Variants in PLEKHA8 observed in about 807,000 individuals in gnomAD.
PLEKHA8 encodes pleckstrin homology domain containing A8, also known as pleckstrin homology domain-containing family A member 8.
A neutral mutation model predicts 68.2 loss-of-function variants in PLEKHA8; 36 were observed. The observed-to-expected ratio is 0.53, with a 90% CI of 0.40 to 0.70. PLEKHA8 has a LOEUF of 0.70. PLEKHA8 is among the 30% of genes least tolerant of loss of function. The pLI, the probability that PLEKHA8 is intolerant of heterozygous loss-of-function variation, is 0.00. For missense variants in PLEKHA8, 505 were observed against 615.4 expected (o/e 0.82, Z 1.90); for synonymous variants, 211 against 216.1 (o/e 0.98, Z 0.20).
intron 13 of PLEKHA8, among the ~76,000 whole-genome samples, chr7:30,096,962 T>A (rs1229743537): frequency 6.6e-6 from 1 of 152,228 alleles, no homozygotes; most frequent in Non-Finnish European, 1.5e-5. Context: ...CGGTGGCTGG[T>A]ACCAGTTGTT....
At chr7:30,078,312 A>G (rs1162182368) in intron 13 of PLEKHA8, among the ~76,000 whole-genome samples, 1 of 151,618 alleles carries the variant, frequency 6.6e-6, no homozygotes, top group African/African-American at 2.4e-5. Context: ...CTTTTCTCAG[A>G]CTCTCTCTCT....
chr7:30,039,379 C>T (rs1392490671), intron 1 of PLEKHA8, among the ~76,000 whole-genome samples: 1 of 152,002 alleles, frequency 6.6e-6, no homozygotes, highest in East Asian at 1.9e-4. Context: ...GCCGAGTGTG[C>T]TGGCGGGCGC....
chr7:30,126,805 G>A lies in PLEKHA8; in HGVS notation c.1363-2461G>A, dbSNP rs374407741. On this transcript the variant is annotated intron_variant, in intron 13 of 13. Transcript: ENST00000396257. ...CCTCTTTATAAAACTGTCAGATCTC[G>A]TGAGAGTTATTCACTATCATGAGAA... Among the ~76,000 whole-genome samples, 502 of 152,282 alleles carry A rather than the reference G, an allele frequency of 3.3e-3. 6 individuals carry two copies. Among genetic ancestry groups the A allele is most frequent in the African/African-American group, 0.011 (476 of 41,532 alleles).
chr7:30,038,383 C>G lies in PLEKHA8; in HGVS notation c.41-6702C>G, dbSNP rs1258223773. Among the ~76,000 whole-genome samples the G allele has an allele frequency of 2.6e-5, 4 of 152,226 alleles. No homozygotes were observed. In the East Asian group the frequency reaches 7.7e-4, roughly 29 times the overall value. On this transcript the variant is annotated intron_variant, in intron 1 of 13. Coordinates refer to ENST00000449726, the MANE Select transcript of PLEKHA8 (RefSeq NM_001197026.2). ...ATTAGTAACAGATGTAGAGAATCCC[C>G]TGAAATATTAGGAAATTAAACAGTA... is the stretch of plus-strand genomic sequence containing the variant.
intron 12 of PLEKHA8, among the ~76,000 whole-genome samples, chr7:30,068,800 T>G (rs762040501): frequency 4.6e-5 from 7 of 152,200 alleles, no homozygotes; most frequent in Non-Finnish European, 1.0e-4. Flanking sequence ...CTCTCTCCCT[T>G]GAGGTCACAG....
At chr7:30,121,835 TCAATGTGGTTCTGTCC>T (rs1796702569) in intron 13 of PLEKHA8, among the ~76,000 whole-genome samples, 1 of 152,204 alleles carries the variant, frequency 6.6e-6, no homozygotes, top group Middle Eastern at 3.2e-3. Flanking sequence ...GCTGGCCTTG[TCAATGTGGTTCTGTCC>T]TGCACATACC....
intron 13 of PLEKHA8, chr7:30,116,108 A>G (rs1583487738): frequency 6.6e-6 from 1 of 151,126 alleles, no homozygotes; most frequent in African/African-American, 2.4e-5. Flanking sequence ...ACATACGCAT[A>G]CATACACGTA....
At chr7:30,056,739 AAAAGTGTGTGTGT>A (rs1303235976) in intron 9 of PLEKHA8, among the ~76,000 whole-genome samples, 3 of 93,598 alleles carry the variant, frequency 3.2e-5, no homozygotes, top group Non-Finnish European at 6.5e-5. Flanking sequence ...AAAAAAAAAA[AAAAGTGTGTGTGT>A]GTGTGTGTGT....
chr7:30,095,159 C>T (rs1422766771), downstream of PLEKHA8, among the ~76,000 whole-genome samples: 3 of 152,138 alleles, frequency 2.0e-5, no homozygotes, highest in Admixed American at 2.0e-4. Flanking sequence ...AAAAGTGTTC[C>T]ATTTCTCCAC....
At chr7:30,130,306 C>T (rs1019623353), downstream of PLEKHA8, 1 of 152,198 alleles carries the variant, frequency 6.6e-6, no homozygotes, top group African/African-American at 2.4e-5. Context: ...AGCACCACCG[C>T]TGAGATTTTG....
intron 13 of PLEKHA8, chr7:30,118,104 A>T: frequency 7.7e-7 from 1 of 1,301,566 alleles, no homozygotes; most frequent in South Asian, 1.7e-5. Context: ...TCTCCAGGGG[A>T]TCAGCCTGGA....
chr7:30,039,914 T>A (rs910483266), intron 1 of PLEKHA8, among the ~76,000 whole-genome samples: 1 of 152,250 alleles, frequency 6.6e-6, no homozygotes, highest in Non-Finnish European at 1.5e-5. Context: ...TTTAGTACAA[T>A]GTTGACTAGA....
rs978522385 is a variant in PLEKHA8 at position 30,080,046 on chromosome 7, C to G, written c.*1259C>G. 10 of 985,134 alleles carry G rather than the reference C, an allele frequency of 1.0e-5. No individual in the cohort carries two copies. In the African/African-American group the frequency reaches 1.7e-4, roughly 17 times the overall value. 61.0% of individuals were successfully genotyped at this position (985,134 alleles called of 1,614,324 possible). On this transcript the variant is annotated 3_prime_UTR_variant, in exon 14 of 14. Coordinates refer to ENST00000449726, the MANE Select transcript of PLEKHA8 (RefSeq NM_001197026.2). ...CAGGCCTTTGCATTGCATTCGGGGA[C>G]CATGACTCTGAATCTGCTTACCAAT...
intron 1 of PLEKHA8, among the ~76,000 whole-genome samples, chr7:30,042,458 G>T (rs924570385): frequency 1.3e-5 from 2 of 152,284 alleles, no homozygotes; most frequent in African/African-American, 4.8e-5. Context: ...AGTCATGGTG[G>T]ATTTGGGGAG....
At chr7:30,105,729 C>T (rs1464115187) in intron 13 of PLEKHA8, among the ~76,000 whole-genome samples, 2 of 152,180 alleles carry the variant, frequency 1.3e-5, no homozygotes, top group Admixed American at 1.3e-4. Context: ...GTTTACCGGC[C>T]ACTCAAGAGT....
rs570984082 is a variant in PLEKHA8 at position 30,076,361 on chromosome 7, A to G, written c.1362+2229A>G. Among the ~76,000 whole-genome samples the G allele has an allele frequency of 1.2e-3, 183 of 152,328 alleles. 1 individual carries two copies. Among genetic ancestry groups the G allele is most frequent in the African/African-American group, 4.3e-3 (177 of 41,578 alleles). ...AAGTTTAGAATAAAACAGGTTAGAA[A>G]TAAAACAGCATCTGTTTATATGCAT... On this transcript the variant is annotated intron_variant, in intron 13 of 13. Coordinates refer to ENST00000449726, the MANE Select transcript of PLEKHA8 (RefSeq NM_001197026.2).
At chr7:30,118,181 T>C (rs960626128) in intron 13 of PLEKHA8, 1 of 505,754 alleles carries the variant, frequency 2.0e-6, no homozygotes, top group African/African-American at 2.0e-5. Flanking sequence ...GAAGGAAGTA[T>C]GTGAGAGTAT....
chr7:30,072,932 A>T (rs1269619844), intron 12 of PLEKHA8, among the ~76,000 whole-genome samples: 1 of 151,788 alleles, frequency 6.6e-6, no homozygotes, highest in East Asian at 1.9e-4. Context: ...CACCATGGTG[A>T]TGTAGATCTG....
downstream of PLEKHA8, among the ~76,000 whole-genome samples, chr7:30,091,395 C>T (rs1204142726): frequency 6.6e-6 from 1 of 152,006 alleles, no homozygotes; most frequent in Non-Finnish European, 1.5e-5. Flanking sequence ...GGTGGACCCC[C>T]GGCAGGTGCT....
Sources: gnomAD v4.1 joint callset for allele counts (sites outside exome capture counted in the v4.1 genomes callset) on GRCh38, gnomAD v4.1.1 for gene constraint, MANE v1.5 for transcripts, NCBI Gene and HGNC (gene_info 2026-07-23, HGNC 2026-07-21) for gene names.